The following ZSWIM5 variants were observed in gnomAD, a reference collection of about 807,000 sequenced individuals.
ZSWIM5 encodes the protein zinc finger SWIM-type containing 5.
A neutral mutation model predicts 119.6 loss-of-function variants in ZSWIM5; 55 were observed. That is an observed-to-expected ratio of 0.46 (90% CI 0.37 to 0.58). The LOEUF (loss-of-function observed/expected upper bound fraction) is 0.58, where lower values mean the gene tolerates loss of function less well. Among genes scored for constraint, ZSWIM5 ranks in the 20% least tolerant of loss-of-function variants. The pLI is 0.00. For missense variants in ZSWIM5, 1,193 were observed against 1,512.8 expected (o/e 0.79, Z 3.51); for synonymous variants, 537 against 606.9 (o/e 0.88, Z 1.69).
intron 1 of ZSWIM5, among the ~76,000 whole-genome samples, chr1:45,134,110 A>G (rs1645675344): frequency 6.6e-6 from 1 of 152,084 alleles, no homozygotes; most frequent in Non-Finnish European, 1.5e-5. Flanking sequence ...TTTTGGTTCC[A>G]TATGAACTTT....
intron 1 of ZSWIM5, among the ~76,000 whole-genome samples, chr1:45,133,526 G>A (rs1199417731): frequency 2.6e-5 from 4 of 152,148 alleles, no homozygotes; most frequent in African/African-American, 9.7e-5. Context: ...TGTCAGATGG[G>A]TAGATTGCAA....
At chr1:45,069,289 G>A (rs763276841) in intron 2 of ZSWIM5, among the ~76,000 whole-genome samples, 3 of 152,052 alleles carry the variant, frequency 2.0e-5, no homozygotes, top group Admixed American at 6.6e-5. Flanking sequence ...AGCCGGGCGT[G>A]GTGGTGGGCG....
chr1:45,148,249 C>G (rs926147958), intron 1 of ZSWIM5, among the ~76,000 whole-genome samples: 1 of 152,100 alleles, frequency 6.6e-6, no homozygotes, highest in Non-Finnish European at 1.5e-5. Flanking sequence ...AGAGGGAACA[C>G]ATTTATTCAT....
chr1:45,079,619 C>T (rs1645277340), intron 2 of ZSWIM5, among the ~76,000 whole-genome samples: 1 of 152,176 alleles, frequency 6.6e-6, no homozygotes. Flanking sequence ...GACCCTGTGG[C>T]TGAGCTGGTA....
At chr1:45,181,307 T>C (rs1354490874) in intron 1 of ZSWIM5, among the ~76,000 whole-genome samples, 1 of 152,002 alleles carries the variant, frequency 6.6e-6, no homozygotes, top group Non-Finnish European at 1.5e-5. Flanking sequence ...CAGGAGCCGA[T>C]GCGATCAACT....
chr1:45,139,189 C>T (rs1345247747), intron 1 of ZSWIM5, among the ~76,000 whole-genome samples: 1 of 151,498 alleles, frequency 6.6e-6, no homozygotes, highest in East Asian at 1.9e-4. Context: ...CCCTTTTTTC[C>T]GTTTTTTAAG....
intron 1 of ZSWIM5, among the ~76,000 whole-genome samples, chr1:45,144,745 A>G (rs1055599190): frequency 6.6e-6 from 1 of 152,194 alleles, no homozygotes; most frequent in African/African-American, 2.4e-5. Context: ...TATCTTTGTG[A>G]CCTGGGATTA....
chr1:45,165,178 G>A (rs533327879), intron 1 of ZSWIM5, among the ~76,000 whole-genome samples: 8 of 152,144 alleles, frequency 5.3e-5, no homozygotes, highest in Non-Finnish European at 8.8e-5. Flanking sequence ...AAAACCGCTC[G>A]AGTACATGGA....
chr1:45,115,664 G>A (rs1645552020), intron 1 of ZSWIM5, among the ~76,000 whole-genome samples: 1 of 150,822 alleles, frequency 6.6e-6, no homozygotes, highest in African/African-American at 2.5e-5. Flanking sequence ...TGGTCGGCCA[G>A]GCAGAGGGGC....
chr1:45,067,349 G>A (rs975396062), intron 2 of ZSWIM5, among the ~76,000 whole-genome samples: 7 of 151,888 alleles, frequency 4.6e-5, no homozygotes, highest in Admixed American at 3.9e-4. Context: ...TGAGGTGGGA[G>A]GATCACCTGA....
chr1:45,155,043 C>G (rs1018709578), intron 1 of ZSWIM5, among the ~76,000 whole-genome samples: 3 of 152,038 alleles, frequency 2.0e-5, no homozygotes, highest in African/African-American at 7.2e-5. Context: ...ATAGGTGGAA[C>G]TTAATTAAAC....
intron 1 of ZSWIM5, among the ~76,000 whole-genome samples, chr1:45,146,924 G>C (rs1353919773): frequency 6.6e-6 from 1 of 152,010 alleles, no homozygotes; most frequent in Admixed American, 6.6e-5. Flanking sequence ...TATTAACTGT[G>C]AATCTAACTG....
Position 45,088,331 on chromosome 1 carries a change from G to A in ZSWIM5, c.596-94C>T. Reference sequence around the variant, plus strand: ...GTAAATTCATCAATTCATAAATTATGTATTGGGTATCTCCTACACACGTAC... The same window carrying A: ...GTAAATTCATCAATTCATAAATTATATATTGGGTATCTCCTACACACGTAC... On this transcript the variant is annotated intron_variant, in intron 1 of 13. Coordinates refer to ENST00000359600, the MANE Select transcript of ZSWIM5 (RefSeq NM_020883.2). This position sits in a 1 kb window ranked among gnomAD's most constrained non-coding sequence, Gnocchi z 4.2. 3.3e-6 allele frequency: 3 copies of A among 912,182 alleles called. No homozygotes were observed. The highest frequency in any genetic ancestry group is 2.6e-5 in the East Asian group (1 of 38,072). 56.5% of individuals were successfully genotyped at this position (912,182 alleles called of 1,614,324 possible).
At chr1:45,047,301 C>G (rs1007452452) in intron 5 of ZSWIM5, among the ~76,000 whole-genome samples, 2 of 152,010 alleles carry the variant, frequency 1.3e-5, no homozygotes, top group East Asian at 3.9e-4. Flanking sequence ...GATTTAGCAA[C>G]AGTTAGCATA....
chr1:45,164,578 C>T (rs1408471566), intron 1 of ZSWIM5, among the ~76,000 whole-genome samples: 1 of 152,090 alleles, frequency 6.6e-6, no homozygotes, highest in African/African-American at 2.4e-5. Flanking sequence ...GGAGACCCAT[C>T]TCACGTGCAG....
intron 4 of ZSWIM5, among the ~76,000 whole-genome samples, chr1:45,054,168 C>T (rs1268730740): frequency 6.6e-6 from 1 of 151,970 alleles, no homozygotes; most frequent in African/African-American, 2.4e-5. Context: ...ATCCCAGCTA[C>T]TTGGGAGGCT....
At chr1:45,136,695 TTA>T (rs1401942600) in intron 1 of ZSWIM5, among the ~76,000 whole-genome samples, 3 of 152,230 alleles carry the variant, frequency 2.0e-5, no homozygotes, top group African/African-American at 7.2e-5. Context: ...TTTACTCTTC[TTA>T]TTTGACAGGC....
chr1:45,158,549 T>C (rs578180512), intron 1 of ZSWIM5, among the ~76,000 whole-genome samples: 9 of 152,354 alleles, frequency 5.9e-5, no homozygotes, highest in South Asian at 4.1e-4. Flanking sequence ...AACCTGGCTC[T>C]GCATATAACT....
At position 45,061,372 on chromosome 1, in the gene ZSWIM5, C is replaced by CTT. The variant is rs34346997; in HGVS notation, c.953-1127_953-1126dup. On this transcript the variant is annotated intron_variant, in intron 2 of 13. Coordinates refer to ENST00000359600, the MANE Select transcript of ZSWIM5 (RefSeq NM_020883.2). ...AATGTAATGTTTTAATCTATGCATACTTTTTTTTTTTTTTTTGAGACAGAG... is the reference window on the plus strand; with the variant it reads ...AATGTAATGTTTTAATCTATGCATACTTTTTTTTTTTTTTTTTTGAGACAGAG... 9.1e-5 allele frequency among the ~76,000 whole-genome samples: 13 copies of CTT among 143,334 alleles called. 1 individual carries two copies. Among genetic ancestry groups the CTT allele is most frequent in the South Asian group, 2.2e-4 (1 of 4,544 alleles). The allele number at this position is 143,334 out of a possible 152,430, so 94.0% of individuals were successfully genotyped here. A position where few individuals can be genotyped will look rare whatever the true frequency, so the allele number is the denominator to read the frequency against.
Sources: allele counts gnomAD v4.1 joint callset (sites outside exome capture counted in the v4.1 genomes callset), GRCh38; gene constraint gnomAD v4.1.1; non-coding constraint Gnocchi (gnomAD v3.1); transcripts MANE v1.5; gene names NCBI Gene and HGNC (gene_info 2026-07-23, HGNC 2026-07-21).